ZFHX3: variants seen among roughly 807,000 people sequenced by gnomAD.
ZFHX3 encodes zinc finger homeobox 3, also known as zinc finger homeobox protein 3.
Under a neutral mutation model 279.1 loss-of-function variants are expected in ZFHX3, and 42 were observed. The ratio of observed to expected loss-of-function variants is 0.15; its 90% CI spans 0.12 to 0.19. The LOEUF (loss-of-function observed/expected upper bound fraction) is 0.19. Among genes scored for constraint, ZFHX3 ranks in the 10% least tolerant of loss-of-function variants. The pLI, the probability that ZFHX3 is intolerant of heterozygous loss-of-function variation, is 1.00. For synonymous variants in ZFHX3, 2,293 were observed against 1,957.8 expected (o/e 1.17, Z -4.52); for missense variants, 4,981 against 4,754.0 (o/e 1.05, Z -1.40).
chr16:73,155,894 A>G (rs1182882619), intron 5 of ZFHX3, among the ~76,000 whole-genome samples: 2 of 152,130 alleles, frequency 1.3e-5, no homozygotes, highest in African/African-American at 4.8e-5. Flanking sequence ...TATATAGTAC[A>G]TATGCATATC....
At chr16:73,443,317 C>T (rs2018128083) in intron 3 of ZFHX3, among the ~76,000 whole-genome samples, 1 of 152,236 alleles carries the variant, frequency 6.6e-6, no homozygotes, top group African/African-American at 2.4e-5. Context: ...AGATGTGTGT[C>T]TGTGTGTACA....
intron 3 of ZFHX3, among the ~76,000 whole-genome samples, chr16:73,325,926 CAA>C (rs1491169608): frequency 5.7e-4 from 45 of 78,312 alleles, no homozygotes; most frequent in South Asian, 3.5e-3. Flanking sequence ...CACACACACA[CAA>C]ACACACACAC....
chr16:73,115,866 C>T (rs756950185), intron 7 of ZFHX3, among the ~76,000 whole-genome samples: 20 of 152,226 alleles, frequency 1.3e-4, no homozygotes, highest in Admixed American at 5.2e-4. Context: ...TGCCTGTAAT[C>T]CCAGCACTTT....
At chr16:73,075,374 C>T (rs1294231909) in intron 8 of ZFHX3, among the ~76,000 whole-genome samples, 1 of 152,126 alleles carries the variant, frequency 6.6e-6, no homozygotes, top group Non-Finnish European at 1.5e-5. Flanking sequence ...ACTGCTGAGC[C>T]TGTGGGCTGG....
At chr16:72,801,729 TTGA>T (rs2036106660) in intron 7 of ZFHX3, among the ~76,000 whole-genome samples, 1 of 152,230 alleles carries the variant, frequency 6.6e-6, no homozygotes, top group African/African-American at 2.4e-5. Flanking sequence ...AGGCTAGCTG[TTGA>T]TGAATCGTTA....
chr16:72,829,894 A>G (rs1004005985), intron 4 of ZFHX3, 35 bp from the exon 5 acceptor site: 3 of 1,612,898 alleles, frequency 1.9e-6, no homozygotes, highest in Middle Eastern at 1.7e-4. Context: ...AGGGTTAAAA[A>G]TAAAAAGAAG....
At chr16:73,388,070 G>C (rs1173153164) in intron 3 of ZFHX3, among the ~76,000 whole-genome samples, 3 of 152,154 alleles carry the variant, frequency 2.0e-5, no homozygotes, top group Admixed American at 2.0e-4. Context: ...CCTCTATTTA[G>C]AGATGATTGG....
intron 2 of ZFHX3, among the ~76,000 whole-genome samples, chr16:73,557,642 C>T (rs897965803): frequency 2.0e-5 from 3 of 152,104 alleles, no homozygotes; most frequent in Admixed American, 2.0e-4. Flanking sequence ...GCAGTGAGGA[C>T]GACCAGAGGT....
intron 7 of ZFHX3, among the ~76,000 whole-genome samples, chr16:73,122,213 CTTTT>C (rs34338561): frequency 1.4e-5 from 2 of 147,610 alleles, no homozygotes; most frequent in African/African-American, 2.5e-5. Flanking sequence ...TACAACTGCT[CTTTT>C]TTTTTTAAGA....
chr16:73,326,378 T>C (rs527290465), intron 3 of ZFHX3, among the ~76,000 whole-genome samples: 6 of 152,166 alleles, frequency 3.9e-5, no homozygotes, highest in Non-Finnish European at 8.8e-5. Context: ...GAGCCGACTT[T>C]CCAGTTCTCA....
intron 1 of ZFHX3, among the ~76,000 whole-genome samples, chr16:73,038,787 C>CTATCAT (rs1965004696): frequency 1.4e-5 from 2 of 147,028 alleles, no homozygotes; most frequent in Non-Finnish European, 3.0e-5. Context: ...CTTTTTATTA[C>CTATCAT]TATTATTATT....
At chr16:73,062,805 G>T (rs1362936545), upstream of ZFHX3, among the ~76,000 whole-genome samples, 2 of 152,192 alleles carry the variant, frequency 1.3e-5, no homozygotes, top group Non-Finnish European at 2.9e-5. Context: ...TCCAGAGCTA[G>T]ATCTAAGGAA....
chr16:73,730,673 C>T (rs1003009467), intron 1 of ZFHX3, among the ~76,000 whole-genome samples: 1 of 152,160 alleles, frequency 6.6e-6, no homozygotes, highest in African/African-American at 2.4e-5. Flanking sequence ...CTCGTTTATG[C>T]TAATGAAGTC....
chr16:73,419,326 C>T (rs928984660), intron 3 of ZFHX3, among the ~76,000 whole-genome samples: 1 of 152,184 alleles, frequency 6.6e-6, no homozygotes, highest in Non-Finnish European at 1.5e-5. Flanking sequence ...TGCAATTTGC[C>T]TCACTTGGCA....
intron 5 of ZFHX3, among the ~76,000 whole-genome samples, chr16:73,222,589 A>T (rs1376778762): frequency 6.6e-6 from 1 of 152,118 alleles, no homozygotes; most frequent in Admixed American, 6.5e-5. Context: ...AAATGGAGAG[A>T]TATTTCATGT....
intron 1 of ZFHX3, among the ~76,000 whole-genome samples, chr16:73,728,015 G>GACCCCCCCCC (rs377699912): frequency 1.3e-5 from 1 of 75,426 alleles, no homozygotes; most frequent in Non-Finnish European, 2.6e-5. Flanking sequence ...GCCGAATTGT[G>GACCCCCCCCC]CCCCCCCCCC....
rs184749829 is a variant in ZFHX3 at position 73,418,356 on chromosome 16, A to G, written c.-1291+37647T>C. On this transcript the variant is annotated intron_variant, in intron 3 of 17. Transcript: ENST00000641206. ...CCTACAGGCTCAACTCCCAGAAGCT[A>G]CCTGGCCCGATCACCTGGAATAGGG... Among the ~76,000 whole-genome samples the G allele has an allele frequency of 2.0e-5, 3 of 151,962 alleles. No homozygotes were observed. The East Asian group carries it at 5.8e-4, about 29-fold the overall frequency.
At chr16:73,630,780 T>G (rs2052461193) in intron 2 of ZFHX3, among the ~76,000 whole-genome samples, 1 of 152,240 alleles carries the variant, frequency 6.6e-6, no homozygotes, top group African/African-American at 2.4e-5. Flanking sequence ...GGTGCTCAAC[T>G]TGTAATTTCC....
chr16:73,401,923 C>T (rs998280070), intron 3 of ZFHX3: 10 of 152,092 alleles, frequency 6.6e-5, no homozygotes, highest in African/African-American at 2.4e-4. Context: ...TAACAATAAC[C>T]TCCTCCAAAA....
Sources: gnomAD v4.1 joint callset for allele counts (sites outside exome capture counted in the v4.1 genomes callset) on GRCh38, gnomAD v4.1.1 for gene constraint, MANE v1.5 for transcripts, NCBI Gene and HGNC (gene_info 2026-07-23, HGNC 2026-07-21) for gene names.